CAST: variants seen among roughly 807,000 people sequenced by gnomAD.
CAST encodes MIR583 host.
A neutral mutation model predicts 119.6 loss-of-function variants in CAST; 76 were observed. That is an observed-to-expected ratio of 0.64 (90% CI 0.53 to 0.77). CAST has a LOEUF of 0.77. CAST is among the 30% of genes least tolerant of loss of function. CAST has a pLI of 0.00. For missense variants in CAST, 953 were observed against 946.5 expected, an observed-to-expected ratio of 1.01 and a Z score of -0.09; for synonymous variants, 319 against 331.6, an observed-to-expected ratio of 0.96 and a Z score of 0.41.
the CAST span, among the ~76,000 whole-genome samples, chr5:96,154,900 T>G: frequency 1.3e-5 from 2 of 152,362 alleles, no homozygotes; most frequent in Middle Eastern, 6.8e-3. Context: ...TTCCCCACTA[T>G]GAATGTACTC....
the CAST span, among the ~76,000 whole-genome samples, chr5:96,082,896 A>G: frequency 6.6e-6 from 1 of 152,240 alleles, no homozygotes; most frequent in Non-Finnish European, 1.5e-5. Flanking sequence ...ATTAGCTTTC[A>G]GTTATCATTT....
At chr5:96,533,328 C>T (rs1358749722) in intron 1 of CAST, among the ~76,000 whole-genome samples, 1 of 151,970 alleles carries the variant, frequency 6.6e-6, no homozygotes. Flanking sequence ...GCAGAACTAC[C>T]AAGGAAAATC....
chr5:96,331,437 A>G, the CAST span, among the ~76,000 whole-genome samples: 1 of 152,240 alleles, frequency 6.6e-6, no homozygotes, highest in Non-Finnish European at 1.5e-5. Context: ...TACCAACAGC[A>G]GTAATGAACT....
At chr5:96,499,520 T>G in the CAST span, among the ~76,000 whole-genome samples, 1 of 152,240 alleles carries the variant, frequency 6.6e-6, no homozygotes, top group African/African-American at 2.4e-5. Flanking sequence ...GGGTCTTGCC[T>G]CCACATTCAT....
At chr5:96,637,590 TC>T (rs1747902353) in intron 1 of CAST, among the ~76,000 whole-genome samples, 1 of 152,216 alleles carries the variant, frequency 6.6e-6, no homozygotes, top group Admixed American at 6.5e-5. Flanking sequence ...GGCTTAATGA[TC>T]CTTTAGAAAT....
chr5:96,458,224 A>G, the CAST span, among the ~76,000 whole-genome samples: 1 of 152,224 alleles, frequency 6.6e-6, no homozygotes, highest in Non-Finnish European at 1.5e-5. Flanking sequence ...TCAAATTTCA[A>G]TGTTCATAAT....
At chr5:96,520,683 C>T (rs949148425), upstream of CAST, among the ~76,000 whole-genome samples, 3 of 152,044 alleles carry the variant, frequency 2.0e-5, no homozygotes, top group African/African-American at 7.2e-5. Context: ...TGGTTTTTCC[C>T]CCTCTCAAAT....
chr5:96,024,251 A>AT, the CAST span, among the ~76,000 whole-genome samples: 1 of 152,208 alleles, frequency 6.6e-6, no homozygotes, highest in African/African-American at 2.4e-5. Context: ...AAGTTCAGTT[A>AT]TTTTTTATTT....
intron 24 of CAST, among the ~76,000 whole-genome samples, chr5:96,759,676 A>C (rs1229619984): frequency 6.6e-6 from 1 of 152,026 alleles, no homozygotes; most frequent in Non-Finnish European, 1.5e-5. Flanking sequence ...ATACTTTATA[A>C]AATACTAGCA....
At chr5:96,400,170 G>T in the CAST span, 13 of 1,613,100 alleles carry the variant, frequency 8.1e-6, no homozygotes, top group Non-Finnish European at 9.3e-6. Context: ...TGCATATCTC[G>T]CCAGGTGAGA....
the CAST span, among the ~76,000 whole-genome samples, chr5:96,226,285 G>A: frequency 7.1e-4 from 108 of 152,228 alleles, no homozygotes; most frequent in African/African-American, 2.3e-3. Flanking sequence ...CCTTACAACC[G>A]TTGTACCAAT....
intron 19 of CAST, among the ~76,000 whole-genome samples, chr5:96,749,555 G>A (rs151172308): frequency 2.0e-5 from 3 of 152,154 alleles, no homozygotes; most frequent in Non-Finnish European, 4.4e-5. Context: ...GTTTTGTTTT[G>A]TTTTTTCTTG....
the CAST span, among the ~76,000 whole-genome samples, chr5:96,321,387 T>A: frequency 6.6e-6 from 1 of 152,216 alleles, no homozygotes; most frequent in Non-Finnish European, 1.5e-5. Flanking sequence ...AACCACTTTG[T>A]TAGAGCCTGC....
chr5:96,186,129 ATTCATGATTTGGCT>A, the CAST span, among the ~76,000 whole-genome samples: 3 of 152,136 alleles, frequency 2.0e-5, no homozygotes, highest in African/African-American at 7.2e-5. Flanking sequence ...ATGGGAATTC[ATTCATGATTTGGCT>A]TTCTGCTTGT....
At chr5:96,495,327 C>T in the CAST span, among the ~76,000 whole-genome samples, 59 of 152,014 alleles carry the variant, frequency 3.9e-4, 1 homozygote, top group East Asian at 9.9e-3. Flanking sequence ...GGTATACATG[C>T]GCCATGGTGG....
the CAST span, among the ~76,000 whole-genome samples, chr5:96,505,562 T>C: frequency 6.6e-6 from 1 of 152,220 alleles, no homozygotes; most frequent in Non-Finnish European, 1.5e-5. Context: ...CTTTAGCCCA[T>C]AGAGAAGGGC....
At chr5:96,126,562 T>C in the CAST span, among the ~76,000 whole-genome samples, 7 of 152,130 alleles carry the variant, frequency 4.6e-5, no homozygotes, top group African/African-American at 1.7e-4. Flanking sequence ...CATTTTGACT[T>C]AGTGACTTTA....
At chr5:96,558,437 T>A (rs1228870535) in intron 1 of CAST, among the ~76,000 whole-genome samples, 1 of 151,914 alleles carries the variant, frequency 6.6e-6, no homozygotes, top group African/African-American at 2.4e-5. Context: ...TTTGAAAAGA[T>A]CAACAAAATT....
the CAST span, among the ~76,000 whole-genome samples, chr5:96,006,091 T>G: frequency 4.6e-5 from 7 of 152,202 alleles, no homozygotes; most frequent in African/African-American, 1.7e-4. Context: ...TTTAACTGGT[T>G]GACAGATATT....
Sources: allele counts gnomAD v4.1 joint callset (sites outside exome capture counted in the v4.1 genomes callset), GRCh38; gene constraint gnomAD v4.1.1; transcripts MANE v1.5; gene names NCBI Gene and HGNC (gene_info 2026-07-23, HGNC 2026-07-21).